The following RAD54L2 variants were observed in gnomAD, a reference collection of about 807,000 sequenced individuals.
RAD54L2 encodes the protein RAD54 like 2.
Under a neutral mutation model 138.4 loss-of-function variants are expected in RAD54L2, and 27 were observed. That is an observed-to-expected ratio of 0.20 (90% CI 0.14 to 0.27). The LOEUF is 0.27. RAD54L2 is among the 10% of genes least tolerant of loss of function. The pLI is 1.00. For missense variants in RAD54L2, 1,396 were observed against 1,890.2 expected, an observed-to-expected ratio of 0.74 and a Z score of 4.85; for synonymous variants, 644 against 723.2, an observed-to-expected ratio of 0.89 and a Z score of 1.76.
intron 3 of RAD54L2, among the ~76,000 whole-genome samples, chr3:51,605,663 G>T (rs960842183): frequency 6.6e-6 from 1 of 152,032 alleles, no homozygotes. Context: ...TGTTTGCTAG[G>T]CTGGTCTCGA....
intron 2 of RAD54L2, among the ~76,000 whole-genome samples, chr3:51,565,673 G>A (rs942587488): frequency 9.2e-5 from 14 of 151,824 alleles, no homozygotes; most frequent in African/African-American, 2.9e-4. Flanking sequence ...GGGTTTCACC[G>A]TGTTGGCCAG....
Position 51,638,876 on chromosome 3 carries a change from C to G in RAD54L2, c.1861-543C>G, listed in dbSNP as rs577783544. The G allele has an allele frequency of 5.1e-5, 8 of 158,046 alleles. No homozygotes were observed. Among genetic ancestry groups the G allele is most frequent in the Non-Finnish European group, 8.4e-5 (6 of 71,636 alleles). 9.8% of individuals were successfully genotyped at this position (158,046 alleles called of 1,614,324 possible). A position where few individuals can be genotyped will look rare whatever the true frequency, so the allele number is the denominator to read the frequency against. ...GGACAAGAGGGGTTTCCAAATATTT[C>G]TTTTATAGCCACAGTCCTGGGTCAA... On this transcript the variant is annotated intron_variant, in intron 12 of 22. Transcript: ENST00000684192. The surrounding 1 kb of genome is among the most constrained non-coding windows in gnomAD (Gnocchi z 4.3).
chr3:51,581,977 G>A (rs1699616707), intron 2 of RAD54L2, among the ~76,000 whole-genome samples: 1 of 150,770 alleles, frequency 6.6e-6, no homozygotes, highest in African/African-American at 2.4e-5. Context: ...AGGCTGAAGT[G>A]CAGTGGTATG....
At chr3:51,597,484 T>A (rs1200489928) in intron 3 of RAD54L2, among the ~76,000 whole-genome samples, 1 of 152,108 alleles carries the variant, frequency 6.6e-6, no homozygotes, top group African/African-American at 2.4e-5. Context: ...TTTTTAATAA[T>A]GAAAATTATG....
intron 2 of RAD54L2, among the ~76,000 whole-genome samples, chr3:51,547,159 G>A (rs1698718523): frequency 1.3e-5 from 2 of 152,064 alleles, no homozygotes; most frequent in Admixed American, 6.6e-5. Flanking sequence ...CTAGCCTGGG[G>A]CGACATGGTG....
intron 2 of RAD54L2, among the ~76,000 whole-genome samples, chr3:51,586,989 C>T (rs1699725577): frequency 6.6e-6 from 1 of 152,172 alleles, no homozygotes; most frequent in Non-Finnish European, 1.5e-5. Context: ...ATAAATTTCA[C>T]TGCAAATATT....
At chr3:51,577,925 T>TA (rs1174277622) in intron 2 of RAD54L2, among the ~76,000 whole-genome samples, 1 of 152,234 alleles carries the variant, frequency 6.6e-6, no homozygotes, top group East Asian at 1.9e-4. Flanking sequence ...TATTTATTTT[T>TA]ACCTCTAAAT....
intron 3 of RAD54L2, among the ~76,000 whole-genome samples, chr3:51,593,269 T>C (rs1473068382): frequency 6.6e-6 from 1 of 151,846 alleles, no homozygotes; most frequent in East Asian, 1.9e-4. Flanking sequence ...CTGTCCCAAA[T>C]GTCAATAGTA....
chr3:51,585,393 G>C (rs574607256), intron 2 of RAD54L2, among the ~76,000 whole-genome samples: 20 of 152,128 alleles, frequency 1.3e-4, no homozygotes, highest in African/African-American at 4.3e-4. Context: ...ATGAGGCAGC[G>C]TGTGTGCTCG....
chr3:51,591,254 C>A (rs906907967), intron 3 of RAD54L2, among the ~76,000 whole-genome samples: 10 of 152,176 alleles, frequency 6.6e-5, no homozygotes, highest in Non-Finnish European at 1.2e-4. Context: ...ATTTGGCCAG[C>A]CACAAGGCTT....
intron 2 of RAD54L2, among the ~76,000 whole-genome samples, chr3:51,569,035 A>G (rs541749859): frequency 9.8e-4 from 150 of 152,302 alleles, no homozygotes; most frequent in African/African-American, 3.5e-3. Context: ...ATGTAGGTAG[A>G]GACAGAGAAG....
intron 19 of RAD54L2, among the ~76,000 whole-genome samples, chr3:51,653,562 A>C (rs1701509417): frequency 6.6e-6 from 1 of 152,266 alleles, no homozygotes; most frequent in Admixed American, 6.5e-5. Flanking sequence ...CTGAATTAAG[A>C]AAATGTGGCA....
intron 3 of RAD54L2, among the ~76,000 whole-genome samples, chr3:51,606,155 CAAAAG>C (rs1252283305): frequency 6.6e-6 from 1 of 152,068 alleles, no homozygotes; most frequent in Non-Finnish European, 1.5e-5. Flanking sequence ...GGTGAGCAAT[CAAAAG>C]AACCTTTAAG....
chr3:51,661,634 A>G (rs183412684), intron 22 of RAD54L2, among the ~76,000 whole-genome samples: 3 of 152,364 alleles, frequency 2.0e-5, no homozygotes, highest in East Asian at 3.9e-4. Flanking sequence ...CTAGAATGCT[A>G]GAGGGCTAGA....
rs150537605 is a variant in RAD54L2 at position 51,587,617 on chromosome 3, A to G, written c.-54-2750A>G. ...TTTTTTACTTTGAGAGGCTAAGTAC[A>G]TGAACCATCTGCACACACACACTCG... On this transcript the variant is annotated intron_variant, in intron 2 of 22. Coordinates refer to ENST00000684192, the MANE Select transcript of RAD54L2 (RefSeq NM_015106.4). Among the ~76,000 whole-genome samples, 1,379 of 152,316 alleles carry G rather than the reference A, an allele frequency of 9.1e-3. 29 individuals carry two copies. Among genetic ancestry groups the G allele is most frequent in the African/African-American group, 0.03 (1,233 of 41,570 alleles).
chr3:51,656,999 A>G (rs574825293), intron 20 of RAD54L2, among the ~76,000 whole-genome samples: 5 of 152,198 alleles, frequency 3.3e-5, no homozygotes, highest in Non-Finnish European at 7.3e-5. Flanking sequence ...GGCCTCCCAC[A>G]GTGCTGGGAT....
At chr3:51,567,630 C>T (rs376819606) in intron 2 of RAD54L2, among the ~76,000 whole-genome samples, 6 of 152,122 alleles carry the variant, frequency 3.9e-5, no homozygotes, top group Admixed American at 1.3e-4. Flanking sequence ...GTTTGTAAAA[C>T]GACAGGGGTC....
chr3:51,627,138 A>G (rs1270216687), intron 3 of RAD54L2, among the ~76,000 whole-genome samples: 1 of 152,234 alleles, frequency 6.6e-6, no homozygotes, highest in Non-Finnish European at 1.5e-5. Flanking sequence ...GCTTTAAGAC[A>G]GATGAGAGGT....
chr3:51,548,024 T>C (rs1553672699), intron 2 of RAD54L2, among the ~76,000 whole-genome samples: 1 of 150,164 alleles, frequency 6.7e-6, no homozygotes, highest in East Asian at 2.0e-4. Context: ...TCCAAGTAAC[T>C]GGGATTACAG....
Sources: gnomAD v4.1 joint callset for allele counts (sites outside exome capture counted in the v4.1 genomes callset) on GRCh38, gnomAD v4.1.1 for gene constraint, Gnocchi (gnomAD v3.1) non-coding constraint, MANE v1.5 for transcripts, NCBI Gene and HGNC (gene_info 2026-07-23, HGNC 2026-07-21) for gene names.